ARHGEF3: variants seen among roughly 807,000 people sequenced by gnomAD.
ARHGEF3 encodes Rho guanine nucleotide exchange factor 3.
Under a neutral mutation model 63.2 loss-of-function variants are expected in ARHGEF3, and 28 were observed. The ratio of observed to expected loss-of-function variants is 0.44; its 90% CI spans 0.33 to 0.61. ARHGEF3 has a LOEUF of 0.61. Ranked by LOEUF, ARHGEF3 falls within the 20% of genes least tolerant of loss-of-function variation. The pLI is 0.03. For synonymous variants in ARHGEF3, 266 were observed against 254.2 expected, an observed-to-expected ratio of 1.05 and a Z score of -0.44; for missense variants, 533 against 659.3, an observed-to-expected ratio of 0.81 and a Z score of 2.10.
At chr3:56,730,498 C>T (rs1262785529) in intron 9 of ARHGEF3, among the ~76,000 whole-genome samples, 1 of 151,720 alleles carries the variant, frequency 6.6e-6, no homozygotes, top group Non-Finnish European at 1.5e-5. Flanking sequence ...CTGTCTCAGC[C>T]TCCTGAGTAG....
At chr3:56,730,904 G>A (rs989271899) in intron 9 of ARHGEF3, among the ~76,000 whole-genome samples, 1 of 152,140 alleles carries the variant, frequency 6.6e-6, no homozygotes, top group Non-Finnish European at 1.5e-5. Context: ...GCTATTCTCC[G>A]TCCTTCAAAT....
intron 4 of ARHGEF3, among the ~76,000 whole-genome samples, chr3:56,853,730 C>T (rs1346553540): frequency 1.3e-5 from 2 of 152,210 alleles, no homozygotes; most frequent in African/African-American, 4.8e-5. Context: ...CATGGATGCT[C>T]ATTCCTTCCC....
At chr3:56,913,884 C>T (rs11923937) in intron 3 of ARHGEF3, among the ~76,000 whole-genome samples, 46,401 of 152,042 alleles carry the variant, frequency 0.31, 7,446 homozygotes, top group Middle Eastern at 0.35. Flanking sequence ...CATGGAACAC[C>T]CATCAATCGA....
In ARHGEF3 at chr3:56,758,312, G is replaced by A. The variant is rs567853752; in HGVS notation, c.205-3161C>T. Among the ~76,000 whole-genome samples, 192 of 151,596 alleles carry A rather than the reference G, an allele frequency of 1.3e-3. 1 individual carries two copies. The highest frequency in any genetic ancestry group is 0.011 in the South Asian group (54 of 4,796). ...AAAAAAAAAAATAGAAAATGAGGCG[G>A]GGCTTGGTGGCTCATGTCTGTAATC... is the stretch of plus-strand genomic sequence containing the variant. On this transcript the variant is annotated intron_variant, in intron 2 of 9. Coordinates refer to ENST00000296315, the MANE Select transcript of ARHGEF3 (RefSeq NM_019555.3).
At chr3:56,910,369 T>C (rs542115772) in intron 3 of ARHGEF3, among the ~76,000 whole-genome samples, 32 of 152,222 alleles carry the variant, frequency 2.1e-4, no homozygotes, top group African/African-American at 7.7e-4. Flanking sequence ...GCCTGATTGA[T>C]GGAAAGATGG....
intron 3 of ARHGEF3, among the ~76,000 whole-genome samples, chr3:56,943,690 G>A (rs1057487188): frequency 6.6e-5 from 10 of 152,238 alleles, no homozygotes; most frequent in African/African-American, 2.4e-4. Flanking sequence ...CAAGGCAGGC[G>A]AATCACTTGA....
At chr3:56,928,742 A>G (rs1186985540) in intron 3 of ARHGEF3, among the ~76,000 whole-genome samples, 2 of 152,138 alleles carry the variant, frequency 1.3e-5, no homozygotes, top group Non-Finnish European at 2.9e-5. Context: ...CTAAGGAAAA[A>G]CTGTGCCAAG....
Position 57,034,947 on chromosome 3 carries a change from C to T in ARHGEF3, c.62+141G>A, listed in dbSNP as rs1356080206. 6.1e-6 allele frequency: 4 copies of T among 653,184 alleles called. No individual in the cohort carries two copies. In the East Asian group the frequency reaches 1.1e-4, roughly 18 times the overall value. The allele number at this position is 653,184 out of a possible 1,614,324, so 40.5% of individuals were successfully genotyped here. A position where few individuals can be genotyped will look rare whatever the true frequency, so the allele number is the denominator to read the frequency against. On this transcript the variant is annotated intron_variant, in intron 2 of 12. Transcript: ENST00000338458. ...AAGTGCTGGGGTTACAGGCATGAGA[C>T]ACCATGCCTAGCACTATCTCCAAAT...
chr3:56,780,079 G>T (rs1349822424), intron 1 of ARHGEF3, among the ~76,000 whole-genome samples: 1 of 152,202 alleles, frequency 6.6e-6, no homozygotes, highest in African/African-American at 2.4e-5. Context: ...AAATACACAA[G>T]ATCACGTATT....
At chr3:56,955,623 T>TAAATAAAGAAG (rs1239352157) in intron 3 of ARHGEF3, among the ~76,000 whole-genome samples, 1 of 152,212 alleles carries the variant, frequency 6.6e-6, no homozygotes, top group Non-Finnish European at 1.5e-5. Flanking sequence ...CCTCCCTTTC[T>TAAATAAAGAAG]AAATAAAGAA....
At chr3:56,961,422 A>T (rs1048717024) in intron 2 of ARHGEF3, among the ~76,000 whole-genome samples, 1 of 152,134 alleles carries the variant, frequency 6.6e-6, no homozygotes, top group East Asian at 1.9e-4. Flanking sequence ...CTGACTCCAG[A>T]TCCAGAGGAT....
chr3:56,739,055 A>G (rs940237912), intron 7 of ARHGEF3, among the ~76,000 whole-genome samples: 11 of 152,164 alleles, frequency 7.2e-5, no homozygotes, highest in Non-Finnish European at 1.5e-4. Context: ...AGATCACGCC[A>G]CCGCACTTCA....
intron 4 of ARHGEF3, among the ~76,000 whole-genome samples, chr3:56,816,297 G>A (rs1161807123): frequency 1.3e-5 from 2 of 152,176 alleles, no homozygotes; most frequent in Non-Finnish European, 2.9e-5. Flanking sequence ...TGAGGGTTCT[G>A]TGCAACCCTG....
At chr3:56,742,161 A>C (rs749709827) in intron 7 of ARHGEF3, among the ~76,000 whole-genome samples, 34 of 151,260 alleles carry the variant, frequency 2.2e-4, no homozygotes, top group Non-Finnish European at 4.6e-4. Flanking sequence ...TGTTTTTCCC[A>C]CTGATTTCAG....
chr3:56,939,805 T>C (rs1379839195), intron 3 of ARHGEF3: 3 of 152,226 alleles, frequency 2.0e-5, no homozygotes, highest in Non-Finnish European at 4.4e-5. Context: ...CCTTTTATGA[T>C]AGGAGGACAG....
At chr3:57,014,288 G>A (rs1277643825) in intron 2 of ARHGEF3, among the ~76,000 whole-genome samples, 4 of 152,102 alleles carry the variant, frequency 2.6e-5, no homozygotes, top group African/African-American at 9.7e-5. Context: ...GAGGGTCCGC[G>A]GCTTCATTCT....
At chr3:56,944,864 C>G (rs1250593273) in intron 3 of ARHGEF3, among the ~76,000 whole-genome samples, 1 of 152,100 alleles carries the variant, frequency 6.6e-6, no homozygotes, top group African/African-American at 2.4e-5. Flanking sequence ...CAGATGTGAG[C>G]CACCGCACTC....
intron 3 of ARHGEF3, among the ~76,000 whole-genome samples, chr3:56,950,584 C>G (rs1348371359): frequency 6.6e-6 from 1 of 152,050 alleles, no homozygotes; most frequent in African/African-American, 2.4e-5. Flanking sequence ...AATGAGATAC[C>G]ATCTCACACC....
intron 3 of ARHGEF3, among the ~76,000 whole-genome samples, chr3:56,932,696 C>T (rs958578688): frequency 2.0e-5 from 3 of 152,108 alleles, no homozygotes; most frequent in East Asian, 1.9e-4. Context: ...GTTTATGGTT[C>T]GTGACATAAA....
Sources: gnomAD v4.1 joint callset for allele counts (sites outside exome capture counted in the v4.1 genomes callset) on GRCh38, gnomAD v4.1.1 for gene constraint, MANE v1.5 for transcripts, NCBI Gene and HGNC (gene_info 2026-07-23, HGNC 2026-07-21) for gene names.